Variants in LRRC9 observed in about 807,000 individuals in gnomAD.
LRRC9 encodes the protein leucine rich repeat containing 9.
A neutral mutation model predicts 63.2 loss-of-function variants in LRRC9; 122 were observed. That is an observed-to-expected ratio of 1.93 (90% CI 1.67 to 2.24). The LOEUF is 2.24. Among genes scored for constraint, LRRC9 ranks in the 30% most tolerant of loss-of-function variants. The pLI, the probability that LRRC9 is intolerant of heterozygous loss-of-function variation, is 0.00. For synonymous variants in LRRC9, 366 were observed against 213.1 expected (o/e 1.72, Z -6.25); for missense variants, 1,071 against 627.7 (o/e 1.71, Z -7.55).
Position 59,932,870 on chromosome 14 carries a change from A to C in LRRC9, c.543+831A>C, listed in dbSNP as rs1889818366. Among the ~76,000 whole-genome samples the C allele has an allele frequency of 6.6e-6, 1 of 152,052 alleles. No individual in the cohort carries two copies. The highest frequency in any genetic ancestry group is 2.4e-5 in the African/African-American group (1 of 41,408). On this transcript the variant is annotated intron_variant, in intron 6 of 31. Transcript: ENST00000445360. This position sits in a 1 kb window ranked among gnomAD's most constrained non-coding sequence, Gnocchi z 4.7. ...TTTAAAAATCTGTCAGATAAAAATCACCCTTCTGCTTAAAACCCTCCGTCG... is the reference window on the plus strand; with the variant it reads ...TTTAAAAATCTGTCAGATAAAAATCCCCCTTCTGCTTAAAACCCTCCGTCG...
intron 29 of LRRC9, among the ~76,000 whole-genome samples, chr14:60,035,983 A>T (rs1436771637): frequency 6.6e-6 from 1 of 152,154 alleles, no homozygotes; most frequent in Non-Finnish European, 1.5e-5. Context: ...ACAAGATCAA[A>T]ATGCCAACTG....
rs1888831263 is a variant in LRRC9, at chr14:59,922,089, A to AT, written c.-34+2206_-34+2207insT. On this transcript the variant is annotated intron_variant, in intron 1 of 31. Coordinates refer to ENST00000445360, the Ensembl canonical transcript of LRRC9. This position sits in a 1 kb window ranked among gnomAD's most constrained non-coding sequence, Gnocchi z 5.3. ...GCAAAGTGAGATTCTGTCTCAAAAA[A>AT]AAAATAAATAAATAAATAAGAAAGA... 2.0e-5 allele frequency among the ~76,000 whole-genome samples: 3 copies of AT among 152,058 alleles called. No individual in the cohort carries two copies.
downstream of LRRC9, among the ~76,000 whole-genome samples, chr14:60,065,478 T>A (rs1412630849): frequency 6.7e-6 from 1 of 150,354 alleles, no homozygotes; most frequent in African/African-American, 2.4e-5. Flanking sequence ...CAAAGCCCCA[T>A]CCCTACTAAA....
At chr14:60,063,985 TA>T (rs1365082251), downstream of LRRC9, among the ~76,000 whole-genome samples, 1 of 152,194 alleles carries the variant, frequency 6.6e-6, no homozygotes, top group Non-Finnish European at 1.5e-5. Context: ...TAGTAGTTTC[TA>T]AATGTGGCTA....
At chr14:60,063,949 TTA>T (rs1293951257), downstream of LRRC9, among the ~76,000 whole-genome samples, 2 of 152,122 alleles carry the variant, frequency 1.3e-5, no homozygotes, top group African/African-American at 4.8e-5. Flanking sequence ...TCAAAATTGT[TTA>T]GAGATGCAAA....
intron 13 of LRRC9, among the ~76,000 whole-genome samples, chr14:59,976,482 A>G (rs1262948013): frequency 6.6e-6 from 1 of 152,180 alleles, no homozygotes; most frequent in Non-Finnish European, 1.5e-5. Flanking sequence ...CGTGTTTTGC[A>G]GTTTTTTATC....
chr14:59,965,689 C>T (rs1884762781), intron 10 of LRRC9, among the ~76,000 whole-genome samples: 1 of 151,880 alleles, frequency 6.6e-6, no homozygotes, highest in South Asian at 2.1e-4. Flanking sequence ...TGAGACCATC[C>T]TGGCTAACAC....
rs1049376474 is a variant in LRRC9 at position 59,986,835 on chromosome 14, G to C, written c.2211+1611G>C. 2.0e-5 allele frequency among the ~76,000 whole-genome samples: 3 copies of C among 152,092 alleles called. No homozygotes were observed. Among genetic ancestry groups the C allele is most frequent in the Admixed American group, 2.0e-4 (3 of 15,276 alleles). ...TGACTATAACCTTAGTCATTTTACAGATAAGGGAACTGGGTAAGTTTTATG... is the reference window on the plus strand; with the variant it reads ...TGACTATAACCTTAGTCATTTTACACATAAGGGAACTGGGTAAGTTTTATG... On this transcript the variant is annotated intron_variant, in intron 17 of 31. Transcript: ENST00000445360. This position sits in a 1 kb window ranked among gnomAD's most constrained non-coding sequence, Gnocchi z 4.7.
At position 59,966,824 on chromosome 14, in the gene LRRC9, T is replaced by C. The variant is rs942667861; in HGVS notation, c.1388+59T>C. On this transcript the variant is annotated intron_variant, in intron 11 of 31. Coordinates refer to ENST00000445360, the Ensembl canonical transcript of LRRC9. This position sits in a 1 kb window ranked among gnomAD's most constrained non-coding sequence, Gnocchi z 4.0. ...CAAAAGTGTGACTGTATTTGTAAAA[T>C]TTCTATTTTAAAAGTTTACAGCATT... 4.7e-5 allele frequency: 26 copies of C among 549,150 alleles called. No individual in the cohort carries two copies. Among genetic ancestry groups the C allele is most frequent in the Non-Finnish European group, 7.5e-5 (23 of 307,088 alleles). 34.0% of individuals were successfully genotyped at this position (549,150 alleles called of 1,614,324 possible).
In LRRC9 at chr14:59,976,691, C is replaced by T. The variant is rs549859241; in HGVS notation, c.1640-534C>T. ...CCTAATTTACATTTTATATCTTGTA[C>T]ATAGTAAAAACAAACAAAATTCCTT... is the stretch of plus-strand genomic sequence containing the variant. On this transcript the variant is annotated intron_variant, in intron 13 of 31. Transcript: ENST00000445360. 2.0e-5 allele frequency among the ~76,000 whole-genome samples: 3 copies of T among 152,200 alleles called. No homozygotes were observed. The East Asian group carries it at 5.8e-4, about 29-fold the overall frequency.
intron 8 of LRRC9, among the ~76,000 whole-genome samples, chr14:59,949,788 T>C (rs1882908929): frequency 6.7e-6 from 1 of 149,896 alleles, no homozygotes; most frequent in Non-Finnish European, 1.5e-5. Context: ...TTGTTCAGTT[T>C]CCATATAGTT....
chr14:60,053,910 A>AAAAAGAGG lies in LRRC9; in HGVS notation c.4131+706_4131+713dup, dbSNP rs1407857456. On this transcript the variant is annotated intron_variant, in intron 30 of 31. Transcript: ENST00000445360. This position sits in a 1 kb window ranked among gnomAD's most constrained non-coding sequence, Gnocchi z 4.8. ...TTATTAGAATGCTGTGGTTTGAGAA[A>AAAAAGAGG]AAAAGAGGCTGGAGGGAGAAGGGAA... 4.4e-6 allele frequency: 2 copies of AAAAAGAGG among 455,596 alleles called. No homozygotes were observed. The highest frequency in any genetic ancestry group is 4.0e-5 in the African/African-American group (2 of 50,036). The allele number at this position is 455,596 out of a possible 1,614,324, so 28.2% of individuals were successfully genotyped here.
intron 13 of LRRC9, among the ~76,000 whole-genome samples, chr14:59,975,165 G>A (rs201187151): frequency 0.041 from 589 of 14,384 alleles, 46 homozygotes; most frequent in Admixed American, 0.046. Flanking sequence ...ATATATATAT[G>A]TATATATATA....
intron 7 of LRRC9, among the ~76,000 whole-genome samples, chr14:59,939,192 G>T (rs749666766): frequency 6.6e-5 from 10 of 151,326 alleles, no homozygotes; most frequent in Non-Finnish European, 1.3e-4. Context: ...ATCAAAATTA[G>T]AAAATATCTA....
intron 29 of LRRC9, among the ~76,000 whole-genome samples, chr14:60,037,615 T>C (rs901380210): frequency 2.0e-5 from 3 of 152,208 alleles, no homozygotes; most frequent in Non-Finnish European, 4.4e-5. Context: ...ATGGGGTTCT[T>C]TGATTTTTTC....
intron 13 of LRRC9, among the ~76,000 whole-genome samples, chr14:59,976,490 A>T (rs1328560453): frequency 6.6e-6 from 1 of 152,174 alleles, no homozygotes; most frequent in Non-Finnish European, 1.5e-5. Flanking sequence ...GCAGTTTTTT[A>T]TCCAGTTAAT....
intron 17 of LRRC9, among the ~76,000 whole-genome samples, chr14:59,992,680 A>G (rs142244818): frequency 6.6e-6 from 1 of 152,356 alleles, no homozygotes; most frequent in Non-Finnish European, 1.5e-5. Flanking sequence ...TTAGTAGCCA[A>G]TTCGATCAAC....
At position 59,923,054 on chromosome 14, in the gene LRRC9, C is replaced by T. The variant is rs1292017834; in HGVS notation, c.-34+3171C>T. Among the ~76,000 whole-genome samples the T allele has an allele frequency of 6.6e-6, 1 of 152,128 alleles. No homozygotes were observed. Among genetic ancestry groups the T allele is most frequent in the African/African-American group, 2.4e-5 (1 of 41,414 alleles). On this transcript the variant is annotated intron_variant, in intron 1 of 31. Coordinates refer to ENST00000445360, the Ensembl canonical transcript of LRRC9. The surrounding 1 kb of genome is among the most constrained non-coding windows in gnomAD (Gnocchi z 4.2). ...ACCTTTAGCCTCTTAAATGGGCCAG[C>T]CCTGAAAGAGCTTCGAAGAGCAGGA...
At chr14:60,032,163 G>A (rs1384181727) in intron 29 of LRRC9, 100 bp downstream of exon 29, 3 of 584,364 alleles carry the variant, frequency 5.1e-6, no homozygotes, top group Non-Finnish European at 9.1e-6. Flanking sequence ...TTATGCTTCT[G>A]TATGCATAGC....
Sources: allele counts gnomAD v4.1 joint callset (sites outside exome capture counted in the v4.1 genomes callset), GRCh38; gene constraint gnomAD v4.1.1; non-coding constraint Gnocchi (gnomAD v3.1); transcripts MANE v1.5; gene names NCBI Gene and HGNC (gene_info 2026-07-23, HGNC 2026-07-21).